SETX: variants seen among roughly 807,000 people sequenced by gnomAD.
The protein encoded by SETX is helicase senataxin.
SETX carries 90 observed loss-of-function variants against 227.2 expected under a neutral mutation model. The ratio of observed to expected loss-of-function variants is 0.40; its 90% CI spans 0.33 to 0.47. The LOEUF is 0.47. Among genes scored for constraint, SETX ranks in the 20% least tolerant of loss-of-function variants. The probability of loss-of-function intolerance (pLI) is 0.91; values close to 1 mark genes in which losing one functional copy is unlikely to be tolerated. For synonymous variants in SETX, 1,210 were observed against 1,113.2 expected, an observed-to-expected ratio of 1.09 and a Z score of -1.73; for missense variants, 3,052 against 3,181.5, an observed-to-expected ratio of 0.96 and a Z score of 0.98.
intron 2 of SETX, among the ~76,000 whole-genome samples, chr9:132,350,856 A>T (rs544908218): frequency 3.3e-5 from 5 of 152,328 alleles, no homozygotes; most frequent in African/African-American, 1.2e-4. Context: ...GAGCTTCCTG[A>T]AAGCAGAGAA....
chr9:132,294,044 A>G (rs1844515877), intron 15 of SETX, among the ~76,000 whole-genome samples: 1 of 152,098 alleles, frequency 6.6e-6, no homozygotes, highest in African/African-American at 2.4e-5. Flanking sequence ...AAATAAATAA[A>G]TAAATATCCA....
chr9:132,305,236 C>T (rs1470642581), intron 11 of SETX, among the ~76,000 whole-genome samples: 4 of 150,998 alleles, frequency 2.6e-5, no homozygotes, highest in Non-Finnish European at 2.9e-5. Context: ...CGCCTGTAGT[C>T]CCAGCAACTC....
chr9:132,329,287 C>G lies in SETX; in HGVS notation c.2311G>C (p.Ala771Pro). 1.9e-6 allele frequency: 3 copies of G among 1,613,882 alleles called. No individual in the cohort carries two copies. Among genetic ancestry groups the G allele is most frequent in the Non-Finnish European group, 2.5e-6 (3 of 1,179,914 alleles). Reference sequence around the variant, plus strand: ...TTTCGTTTTGAGGTTTTAGCAAGAGCATCATCCTTTAAAGAGAAATCTTCA... The same window carrying G: ...TTTCGTTTTGAGGTTTTAGCAAGAGGATCATCCTTTAAAGAGAAATCTTCA... ...SNEDFSLKDD[A>P]LAKTSKRKTK... The change falls in exon 10 of 26, where the codon GCT becomes CCT. Residue 771 changes from alanine (A) to proline (P), a missense_variant. By Grantham distance (27) the Ala-to-Pro change is conservative (BLOSUM62 -1). This residue lies in a region of SETX where 1,483 missense variants were observed against 1,312.0 expected (regional missense o/e 1.13). Coordinates refer to ENST00000224140, the MANE Select transcript of SETX (RefSeq NM_015046.7).
At position 132,283,382 on chromosome 9, in the gene SETX, A is replaced by G. The variant is rs200265450; in HGVS notation, c.6428T>C (p.Ile2143Thr). The G allele has an allele frequency of 2.5e-6, 4 of 1,614,098 alleles. No individual in the cohort carries two copies. The African/African-American group carries it at 5.3e-5, about 22-fold the overall frequency. Reference protein sequence around the residue: ...VQGRPQKTQSIIILESHIICC... With the variant: ...VQGRPQKTQSTIILESHIICC... ...GATGATATGGGACTCTAAGATGATG[A>G]TACTCTGTGTTTTCTGTGGGCGTCC... is the stretch of plus-strand genomic sequence containing the variant. Residue 2143 changes from isoleucine (I) to threonine (T), a missense_variant, in exon 19 of 26, where the codon ATC becomes ACC. Around this residue, in one of 10 missense-constraint regions of SETX, gnomAD observed 412 missense variants for 589.0 expected, o/e 0.70. Transcript: ENST00000224140.
chr9:132,275,637 C>T (rs1449974126), intron 22 of SETX, among the ~76,000 whole-genome samples: 1 of 152,110 alleles, frequency 6.6e-6, no homozygotes, highest in Non-Finnish European at 1.5e-5. Context: ...AATATGAATA[C>T]ATGTGAAATG....
chr9:132,282,629 T>A (rs986123967), intron 19 of SETX: 1 of 157,730 alleles, frequency 6.3e-6, no homozygotes, highest in African/African-American at 2.4e-5. Context: ...GAAATCACAT[T>A]AGGAGCGTCC....
In SETX at chr9:132,349,306, C is replaced by A. The variant is rs188406893; in HGVS notation, c.123G>T (p.Leu41Phe). 2.5e-6 allele frequency: 4 copies of A among 1,613,940 alleles called. No homozygotes were observed. Among genetic ancestry groups the A allele is most frequent in the African/African-American group, 1.3e-5 (1 of 74,876 alleles). The change falls in exon 3 of 26, where the codon TTG becomes TTT. Residue 41 changes from leucine (L) to phenylalanine (F), a missense_variant. By Grantham distance (22) the Leu-to-Phe change is conservative (BLOSUM62 0). Coordinates refer to ENST00000224140, the MANE Select transcript of SETX (RefSeq NM_015046.7). ...CTTTGTGGTACTCAGCCACACACTC[C>A]AAGCAGTAGCAGAGGTCTTCGTCGG... Reference protein sequence around the residue: ...QTADEDLCYCLECVAEYHKAR... With the variant: ...QTADEDLCYCFECVAEYHKAR...
chr9:132,306,728 C>G (rs1703226628), intron 11 of SETX, among the ~76,000 whole-genome samples: 1 of 152,026 alleles, frequency 6.6e-6, no homozygotes, highest in Non-Finnish European at 1.5e-5. Flanking sequence ...TATTTAGAGA[C>G]AGGGTCTTGT....
In SETX at chr9:132,264,187, C is replaced by A; in HGVS notation, c.*52G>T. ...TATCTAGATGGTCCCACGAGCTGGTCATCTTCAGTTTACAATATGCTGTGG... is the reference window on the plus strand; with the variant it reads ...TATCTAGATGGTCCCACGAGCTGGTAATCTTCAGTTTACAATATGCTGTGG... On this transcript the variant is annotated 3_prime_UTR_variant, in exon 26 of 26. Coordinates refer to ENST00000224140, the MANE Select transcript of SETX (RefSeq NM_015046.7). The A allele has an allele frequency of 6.2e-7, 1 of 1,611,546 alleles. No homozygotes were observed. The highest frequency in any genetic ancestry group is 1.1e-5 in the South Asian group (1 of 90,988).
At chr9:132,353,268 T>C (rs1362010732) in intron 2 of SETX, among the ~76,000 whole-genome samples, 2 of 152,208 alleles carry the variant, frequency 1.3e-5, no homozygotes, top group Non-Finnish European at 2.9e-5. Context: ...TCATGGTGAC[T>C]GGTATTCCCT....
At chr9:132,340,269 C>T (rs966376187) in intron 5 of SETX, among the ~76,000 whole-genome samples, 13 of 152,068 alleles carry the variant, frequency 8.5e-5, no homozygotes, top group Admixed American at 6.6e-4. Flanking sequence ...TTGGTTCTCA[C>T]GTTTTCTAGT....
intron 10 of SETX, among the ~76,000 whole-genome samples, chr9:132,316,216 C>T (rs773363564): frequency 1.8e-4 from 28 of 152,172 alleles, no homozygotes; most frequent in Non-Finnish European, 3.7e-4. Flanking sequence ...TTTTAACTTC[C>T]TTTCCTCCTT....
chr9:132,305,446 A>G (rs929151201), intron 11 of SETX, among the ~76,000 whole-genome samples: 2 of 152,004 alleles, frequency 1.3e-5, no homozygotes, highest in Admixed American at 6.6e-5. Flanking sequence ...AAGAAACTGG[A>G]TATTTACTCA....
chr9:132,298,532 C>T (rs992325780), intron 12 of SETX, among the ~76,000 whole-genome samples: 3 of 152,062 alleles, frequency 2.0e-5, no homozygotes, highest in African/African-American at 7.3e-5. Flanking sequence ...ATAAATATGT[C>T]AGGTGGTAGT....
At chr9:132,282,144 G>A (rs1843564309) in intron 19 of SETX, among the ~76,000 whole-genome samples, 1 of 150,686 alleles carries the variant, frequency 6.6e-6, no homozygotes, top group African/African-American at 2.5e-5. Flanking sequence ...CCACCAACGG[G>A]GCCACTACCA....
rs1248600280 is a variant in SETX, at chr9:132,261,382, A to G, written c.*2857T>C. ...GGATAATGAAACTTTTTATATCTGA[A>G]TTGCACAAATCCCCACCAAGTAATT... is the stretch of plus-strand genomic sequence containing the variant. On this transcript the variant is annotated 3_prime_UTR_variant, in exon 26 of 26. Coordinates refer to ENST00000224140, the MANE Select transcript of SETX (RefSeq NM_015046.7). The G allele has an allele frequency of 6.6e-6, 1 of 152,230 alleles. No homozygotes were observed. 9.4% of individuals were successfully genotyped at this position (152,230 alleles called of 1,614,324 possible).
intron 6 of SETX, among the ~76,000 whole-genome samples, chr9:132,335,316 A>G (rs375196239): frequency 1.1e-3 from 150 of 134,702 alleles, no homozygotes; most frequent in African/African-American, 2.9e-3. Flanking sequence ...GCGTGAACCC[A>G]GGAGGCGGAT....
chr9:132,326,754 T>A lies in SETX; in HGVS notation c.4844A>T (p.Glu1615Val). ...AGACGGTGAAAGTGCTGAAGAAGTT[T>A]CCAAAGATTTAGAAAGACCAGCAAT... ...SRIAGLSKSL[E>V]TSSALSPSLK... The change falls in exon 10 of 26, where the codon GAA becomes GTA. Residue 1615 changes from glutamate to valine, a missense_variant. Transcript: ENST00000224140. 6.2e-7 allele frequency: 1 copy of A among 1,614,228 alleles called. No homozygotes were observed. Among genetic ancestry groups the A allele is most frequent in the Non-Finnish European group, 8.5e-7 (1 of 1,180,036 alleles).
chr9:132,305,594 A>T (rs1845290081), intron 11 of SETX, among the ~76,000 whole-genome samples: 1 of 152,148 alleles, frequency 6.6e-6, no homozygotes, highest in Non-Finnish European at 1.5e-5. Flanking sequence ...AAGAGCACAA[A>T]CTACTTCTAT....
Sources: allele counts gnomAD v4.1 joint callset (sites outside exome capture counted in the v4.1 genomes callset), GRCh38; gene constraint gnomAD v4.1.1; regional missense constraint gnomAD v4.1.1; transcripts MANE v1.5; gene names NCBI Gene and HGNC (gene_info 2026-07-23, HGNC 2026-07-21).